Variants in ADCY8 observed in about 807,000 individuals in gnomAD.
ADCY8 encodes the protein adenylate cyclase 8, also known as adenylate cyclase type 8.
ADCY8 carries 51 observed loss-of-function variants against 119.7 expected under a neutral mutation model. The observed-to-expected ratio is 0.43, with a 90% CI of 0.34 to 0.54. ADCY8 has a LOEUF of 0.54. Ranked by LOEUF, ADCY8 falls within the 20% of genes least tolerant of loss-of-function variation. The probability of loss-of-function intolerance (pLI) is 0.03; values close to 1 mark genes in which losing one functional copy is unlikely to be tolerated. For synonymous variants in ADCY8, 665 were observed against 651.0 expected (o/e 1.02, Z -0.33); for missense variants, 1,383 against 1,598.8 (o/e 0.87, Z 2.30).
chr8:130,881,183 CA>C, intron 8 of ADCY8, among the ~76,000 whole-genome samples: 1 of 152,264 alleles, frequency 6.6e-6, no homozygotes, highest in East Asian at 1.9e-4. Flanking sequence ...AAAACAGCTA[CA>C]GGGGGTGAGG....
At chr8:130,971,539 CAAAAT>C (rs1821922359) in intron 2 of ADCY8, among the ~76,000 whole-genome samples, 2 of 152,046 alleles carry the variant, frequency 1.3e-5, no homozygotes, top group African/African-American at 4.8e-5. Flanking sequence ...TTCAAACTCT[CAAAAT>C]GATGCAATTT....
At chr8:130,972,950 A>C (rs565490973) in intron 2 of ADCY8, among the ~76,000 whole-genome samples, 1 of 152,078 alleles carries the variant, frequency 6.6e-6, no homozygotes, top group Non-Finnish European at 1.5e-5. Context: ...TCATGTGAAA[A>C]TGACAACTAG....
chr8:131,037,892 A>G (rs1392746245), intron 1 of ADCY8, among the ~76,000 whole-genome samples: 1 of 152,184 alleles, frequency 6.6e-6, no homozygotes, highest in Non-Finnish European at 1.5e-5. Context: ...GTTCATGGTG[A>G]CTGTGATAAA....
intron 2 of ADCY8, among the ~76,000 whole-genome samples, chr8:130,971,511 T>C (rs1438974372): frequency 1.3e-5 from 2 of 152,202 alleles, no homozygotes; most frequent in Admixed American, 6.5e-5. Flanking sequence ...ATTGAGATAA[T>C]CATTCATTAA....
chr8:130,936,678 C>T (rs1018591718), intron 5 of ADCY8, among the ~76,000 whole-genome samples: 6 of 152,198 alleles, frequency 3.9e-5, no homozygotes, highest in African/African-American at 1.4e-4. Context: ...CCTCTATTTT[C>T]CCCAAGCACT....
chr8:130,881,036 C>T (rs1818752395), intron 8 of ADCY8, among the ~76,000 whole-genome samples: 1 of 152,156 alleles, frequency 6.6e-6, no homozygotes, highest in Non-Finnish European at 1.5e-5. Context: ...TGTGAGGGAG[C>T]AGGGAGTGAG....
At chr8:130,812,620 G>A (rs1816204104) in intron 14 of ADCY8, among the ~76,000 whole-genome samples, 1 of 152,224 alleles carries the variant, frequency 6.6e-6, no homozygotes, top group African/African-American at 2.4e-5. Context: ...GCCAAGGAGA[G>A]ATTCTCCCCC....
Position 131,001,664 on chromosome 8 carries a change from A to C in ADCY8, c.961-11122T>G, listed in dbSNP as rs180929552. 8.3e-4 allele frequency among the ~76,000 whole-genome samples: 125 copies of C among 149,750 alleles called. No individual in the cohort carries two copies. The East Asian group carries it at 0.021, about 25-fold the overall frequency. On this transcript the variant is annotated intron_variant, in intron 1 of 17. Transcript: ENST00000286355. The stretch of plus-strand genomic sequence containing the variant: ...TATACTGTATATGAATATGTCTAGC[A>C]GATCACAAATGCCCAATAAATGCTA...
chr8:130,855,180 T>C (rs1471900291), intron 9 of ADCY8, among the ~76,000 whole-genome samples: 1 of 151,162 alleles, frequency 6.6e-6, no homozygotes, highest in African/African-American at 2.4e-5. Flanking sequence ...GCTGTGGTCA[T>C]ATGAGTAGAA....
At chr8:130,999,032 C>G (rs768593076) in intron 1 of ADCY8, among the ~76,000 whole-genome samples, 2 of 152,142 alleles carry the variant, frequency 1.3e-5, no homozygotes, top group Non-Finnish European at 2.9e-5. Context: ...CTGATGATCA[C>G]GTATAACCCT....
chr8:130,869,101 T>C (rs759907471), intron 8 of ADCY8, among the ~76,000 whole-genome samples: 2 of 152,236 alleles, frequency 1.3e-5, no homozygotes, highest in African/African-American at 4.8e-5. Flanking sequence ...CCTGTAGTTG[T>C]TGAGCTCTCT....
chr8:130,795,197 T>G (rs755054472), intron 15 of ADCY8, among the ~76,000 whole-genome samples: 2 of 152,232 alleles, frequency 1.3e-5, no homozygotes, highest in Non-Finnish European at 2.9e-5. Flanking sequence ...ATCATCTGTT[T>G]CTCTGAGTGG....
At chr8:130,973,487 CCA>C (rs753992312) in intron 2 of ADCY8, among the ~76,000 whole-genome samples, 7 of 152,210 alleles carry the variant, frequency 4.6e-5, no homozygotes, top group Admixed American at 2.0e-4. Context: ...ATGCCCTGGT[CCA>C]CAGTCTTCCA....
chr8:130,882,118 GTTT>G lies in ADCY8; in HGVS notation c.2109+2443_2109+2445del, dbSNP rs35806429. ...TTTCCTCTTAGAAACCCATATTGAG[GTTT>G]TTTTTTTTTTTTTTTCCTTTCTGAG... On this transcript the variant is annotated intron_variant, in intron 8 of 17. Coordinates refer to ENST00000286355, the MANE Select transcript of ADCY8 (RefSeq NM_001115.3). 9.0e-3 allele frequency among the ~76,000 whole-genome samples: 1,192 copies of G among 133,058 alleles called. 19 individuals are homozygous for G. Among genetic ancestry groups the G allele is most frequent in the African/African-American group, 0.029 (1,031 of 35,236 alleles). 87.3% of individuals were successfully genotyped at this position (133,058 alleles called of 152,430 possible). A position where few individuals can be genotyped will look rare whatever the true frequency, so the allele number is the denominator to read the frequency against.
intron 8 of ADCY8, among the ~76,000 whole-genome samples, chr8:130,870,408 C>T (rs1818311326): frequency 6.6e-6 from 1 of 152,136 alleles, no homozygotes; most frequent in African/African-American, 2.4e-5. Context: ...CTGTAATTGA[C>T]CATTGCCTTC....
At chr8:130,966,589 G>T (rs1482914260) in intron 2 of ADCY8, among the ~76,000 whole-genome samples, 1 of 152,148 alleles carries the variant, frequency 6.6e-6, no homozygotes, top group Non-Finnish European at 1.5e-5. Flanking sequence ...CCCTAAAAGG[G>T]GGGAAGCAAA....
intron 13 of ADCY8, 98 bp from the exon 14 acceptor site, chr8:130,814,325 C>T (rs1816270297): frequency 7.7e-7 from 1 of 1,304,818 alleles, no homozygotes; most frequent in Non-Finnish European, 1.1e-6. Flanking sequence ...TTCTCTGGAA[C>T]TCTTCACAAA....
At chr8:130,878,116 G>A (rs756719634) in intron 8 of ADCY8, among the ~76,000 whole-genome samples, 4 of 152,224 alleles carry the variant, frequency 2.6e-5, no homozygotes, top group Admixed American at 6.5e-5. Flanking sequence ...TACTCATTTC[G>A]ATGAGATCAA....
At chr8:131,010,844 C>A (rs1485124087) in intron 1 of ADCY8, among the ~76,000 whole-genome samples, 1 of 152,222 alleles carries the variant, frequency 6.6e-6, no homozygotes, top group Non-Finnish European at 1.5e-5. Flanking sequence ...GGAAATTTGG[C>A]TATCCTGGAC....
Sources: gnomAD v4.1 joint callset for allele counts (sites outside exome capture counted in the v4.1 genomes callset) on GRCh38, gnomAD v4.1.1 for gene constraint, MANE v1.5 for transcripts, NCBI Gene and HGNC (gene_info 2026-07-23, HGNC 2026-07-21) for gene names.